Variants in ADAMTS9 observed in about 807,000 individuals in gnomAD.
The protein encoded by ADAMTS9 is A disintegrin and metalloproteinase with thrombospondin motifs 9.
A neutral mutation model predicts 257.1 loss-of-function variants in ADAMTS9; 107 were observed. The ratio of observed to expected loss-of-function variants is 0.42; its 90% CI spans 0.36 to 0.49. The LOEUF (loss-of-function observed/expected upper bound fraction) is 0.49, where lower values mean the gene tolerates loss of function less well. Ranked by LOEUF, ADAMTS9 falls within the 20% of genes least tolerant of loss-of-function variation. ADAMTS9 has a pLI of 0.03. For missense variants in ADAMTS9, 2,353 were observed against 2,469.1 expected (o/e 0.95, Z 1.00); for synonymous variants, 982 against 880.9 (o/e 1.11, Z -2.03).
intron 16 of ADAMTS9, among the ~76,000 whole-genome samples, chr3:64,625,012 C>T (rs549888746): frequency 2.6e-4 from 39 of 152,078 alleles, no homozygotes; most frequent in African/African-American, 9.4e-4. Flanking sequence ...AGAGAAAGGC[C>T]CCCCCTTACC....
intron 12 of ADAMTS9, 134 bp downstream of exon 12, chr3:64,641,714 T>G: frequency 8.5e-7 from 1 of 1,171,822 alleles, no homozygotes; most frequent in East Asian, 2.4e-5. Flanking sequence ...ACCGTGGGTC[T>G]AAGCAGCCCT....
intron 22 of ADAMTS9, among the ~76,000 whole-genome samples, chr3:64,608,622 A>C (rs1338190880): frequency 1.3e-5 from 2 of 152,160 alleles, no homozygotes; most frequent in African/African-American, 4.8e-5. Context: ...GACATATAAG[A>C]AGTAAAATGA....
rs188667198 is a variant in ADAMTS9 at position 64,528,191 on chromosome 3, C to A, written c.5718+4975G>T. ...TCACACCCAGCCAGGACGTGATCAT[C>A]CTTTCATGCTGCCTGTCTCTGAAGG... is the stretch of plus-strand genomic sequence containing the variant. On this transcript the variant is annotated intron_variant, in intron 38 of 39. Coordinates refer to ENST00000498707, the MANE Select transcript of ADAMTS9 (RefSeq NM_182920.2). Among the ~76,000 whole-genome samples, 229 of 152,212 alleles carry A rather than the reference C, an allele frequency of 1.5e-3. 4 individuals are homozygous for A. Among genetic ancestry groups the A allele is most frequent in the Admixed American group, 0.015 (223 of 15,272 alleles).
chr3:64,684,257 T>C (rs1220637252), intron 2 of ADAMTS9, among the ~76,000 whole-genome samples: 2 of 152,128 alleles, frequency 1.3e-5, no homozygotes, highest in Non-Finnish European at 2.9e-5. Flanking sequence ...CAGTGTAATA[T>C]TTCTTAGACA....
At chr3:64,591,467 A>C (rs1033970099) in intron 28 of ADAMTS9, among the ~76,000 whole-genome samples, 4 of 152,122 alleles carry the variant, frequency 2.6e-5, no homozygotes, top group African/African-American at 9.7e-5. Context: ...TTATTTCAAA[A>C]ACAAACACTA....
chr3:64,646,821 C>A (rs543720182), intron 11 of ADAMTS9, among the ~76,000 whole-genome samples: 12 of 152,288 alleles, frequency 7.9e-5, no homozygotes, highest in African/African-American at 2.9e-4. Flanking sequence ...GCCCTGCTGC[C>A]CCTTCAGACA....
Position 64,615,496 on chromosome 3 carries a change from AAAAT to A in ADAMTS9, c.3025-15_3025-12del, listed in dbSNP as rs769369919. On this transcript the variant is annotated splice_polypyrimidine_tract_variant and intron_variant, in intron 20 of 39. Transcript: ENST00000498707. ...ACAGCTTTTTGAACACTGTAGGGAC[AAAAT>A]AAATAAATAAAACTGTTGCTAAGTT... 5 of 1,593,676 alleles carry A rather than the reference AAAAT, an allele frequency of 3.1e-6. No homozygotes were observed. The highest frequency in any genetic ancestry group is 4.3e-6 in the Non-Finnish European group (5 of 1,172,924).
chr3:64,530,117 T>C (rs965376696), intron 38 of ADAMTS9, among the ~76,000 whole-genome samples: 1 of 148,220 alleles, frequency 6.7e-6, no homozygotes, highest in Non-Finnish European at 1.5e-5. Flanking sequence ...AGGCACTACA[T>C]CTGGCCACCT....
rs775476758 is a variant in ADAMTS9 at position 64,533,169 on chromosome 3, C to A, written c.5715G>T (p.Ser1905=). Residue 1905 remains serine (S), a synonymous_variant, in exon 38 of 40, where the codon TCG becomes TCT. Coordinates refer to ENST00000498707, the MANE Select transcript of ADAMTS9 (RefSeq NM_182920.2). ...CAACCCATCTGTAGAACCTTACCGG[C>A]GACTTCTTGATGTCAGAGACAGCAT... ...GNYAVSDIKK[S]PDGTRVVGKC... is the part of the protein sequence containing the mutation. 1.2e-6 allele frequency: 2 copies of A among 1,612,464 alleles called. No individual in the cohort carries two copies. Among genetic ancestry groups the A allele is most frequent in the East Asian group, 2.2e-5 (1 of 44,860 alleles).
intron 28 of ADAMTS9, among the ~76,000 whole-genome samples, chr3:64,584,321 G>A (rs1202660970): frequency 1.3e-5 from 2 of 152,082 alleles, no homozygotes; most frequent in Admixed American, 6.6e-5. Flanking sequence ...CAAAAAAAAT[G>A]CACCATTCTC....
At chr3:64,569,126 G>C (rs1223600757) in intron 28 of ADAMTS9, 2 of 152,852 alleles carry the variant, frequency 1.3e-5, no homozygotes, top group African/African-American at 4.8e-5. Flanking sequence ...TTGATCTGCA[G>C]ATTCACTGGA....
At chr3:64,593,347 C>G (rs187389343) in intron 28 of ADAMTS9, among the ~76,000 whole-genome samples, 38 of 152,236 alleles carry the variant, frequency 2.5e-4, no homozygotes, top group African/African-American at 8.9e-4. Flanking sequence ...TTCTGAGAAC[C>G]ATACTGGGTA....
intron 12 of ADAMTS9, among the ~76,000 whole-genome samples, chr3:64,634,509 A>G (rs959879498): frequency 2.0e-4 from 30 of 152,262 alleles, no homozygotes; most frequent in Admixed American, 1.8e-3. Context: ...TACTGGTTTC[A>G]TTAGCTTTTG....
At chr3:64,544,320 C>T (rs1396254266) in intron 32 of ADAMTS9, among the ~76,000 whole-genome samples, 4 of 152,016 alleles carry the variant, frequency 2.6e-5, no homozygotes, top group Non-Finnish European at 4.4e-5. Context: ...AATCCTAAGC[C>T]GAAAGAACAA....
chr3:64,675,944 C>A (rs1031034444), intron 3 of ADAMTS9, among the ~76,000 whole-genome samples: 13 of 152,124 alleles, frequency 8.5e-5, no homozygotes, highest in Admixed American at 3.3e-4. Flanking sequence ...CTTATGTTTT[C>A]CAGCCTTTAT....
intron 8 of ADAMTS9, among the ~76,000 whole-genome samples, chr3:64,653,623 T>C (rs1354107364): frequency 1.3e-5 from 2 of 152,178 alleles, no homozygotes; most frequent in East Asian, 3.8e-4. Context: ...GATCTATTAA[T>C]ATCCTTTCAG....
chr3:64,518,764 ATTTTTTTT>A (rs61286740), intron 39 of ADAMTS9, among the ~76,000 whole-genome samples: 6 of 65,292 alleles, frequency 9.2e-5, no homozygotes, highest in East Asian at 4.2e-4. Context: ...TTACCTTTTC[ATTTTTTTT>A]TTTTTTTTTT....
intron 38 of ADAMTS9, among the ~76,000 whole-genome samples, chr3:64,523,533 A>G (rs112723712): frequency 0.025 from 3,816 of 152,308 alleles, 110 homozygotes; most frequent in East Asian, 0.068. Flanking sequence ...ACAACTGATG[A>G]TAGTAAAAAT....
At chr3:64,684,019 A>C (rs910061218) in intron 2 of ADAMTS9, among the ~76,000 whole-genome samples, 2 of 152,186 alleles carry the variant, frequency 1.3e-5, no homozygotes, top group African/African-American at 4.8e-5. Context: ...TGAGCATGTG[A>C]AGATGAGTGA....
Sources: gnomAD v4.1 joint callset for allele counts (sites outside exome capture counted in the v4.1 genomes callset) on GRCh38, gnomAD v4.1.1 for gene constraint, MANE v1.5 for transcripts, NCBI Gene and HGNC (gene_info 2026-07-23, HGNC 2026-07-21) for gene names.